The following ARSL variants were observed in gnomAD, a reference collection of about 807,000 sequenced individuals.
ARSL encodes arylsulfatase L, also known as arylsulfatase E (chondrodysplasia punctata 1).
A neutral mutation model predicts 31.1 loss-of-function variants in ARSL; 4 were observed. The observed-to-expected ratio is 0.13, with a 90% CI of 0.06 to 0.29. The LOEUF (loss-of-function observed/expected upper bound fraction) is 0.29. Ranked by LOEUF, ARSL falls within the 10% of genes least tolerant of loss-of-function variation. ARSL has a pLI of 1.00. For missense variants in ARSL, 312 were observed against 497.8 expected, an observed-to-expected ratio of 0.63 and a Z score of 3.55; for synonymous variants, 198 against 209.9, an observed-to-expected ratio of 0.94 and a Z score of 0.49.
chrX:2,944,256 C>T lies in ARSL; in HGVS notation c.992-1057G>A, dbSNP rs191608485. 1.2e-3 allele frequency among the ~76,000 whole-genome samples: 126 copies of T among 109,116 alleles called. 1 individual carries two copies. Among genetic ancestry groups the T allele is most frequent in the South Asian group, 2.0e-3 (5 of 2,484 alleles). The allele number at this position is 109,116 out of a possible 115,157, so 94.8% of individuals were successfully genotyped here. ...GGATCACAAGGTCAGCAGTTCGAGA[C>T]CAGCCTGGCCAACATGGTGAAACCC... On this transcript the variant is annotated intron_variant, in intron 7 of 10. Transcript: ENST00000381134.
chrX:2,960,361 A>G lies in ARSL; in HGVS notation c.23+17T>C, dbSNP rs766124346. On this transcript the variant is annotated intron_variant, in intron 2 of 10. Transcript: ENST00000381134. ...AAGAAAGGAGACTACTAATGAGTGC[A>G]TATAATTGTATCTTACCAAGAATGG... The G allele has an allele frequency of 1.1e-4, 121 of 1,087,302 alleles. 1 individual carries two copies. In the South Asian group the frequency reaches 2.0e-3, roughly 18 times the overall value. The allele number at this position is 1,087,302 out of a possible 1,213,427, so 89.6% of individuals were successfully genotyped here. A position where few individuals can be genotyped will look rare whatever the true frequency, so the allele number is the denominator to read the frequency against.
At chrX:2,936,433 T>C (rs2089202870) in intron 10 of ARSL, among the ~76,000 whole-genome samples, 4 of 111,813 alleles carry the variant, frequency 3.6e-5, no homozygotes, top group African/African-American at 1.3e-4. Flanking sequence ...TGATAAAAGT[T>C]GCACTTCATA....
chrX:2,953,878 CT>C (rs1408865642), intron 4 of ARSL, among the ~76,000 whole-genome samples: 9 of 110,452 alleles, frequency 8.1e-5, no homozygotes, highest in African/African-American at 1.7e-4. Context: ...ATCACCATGC[CT>C]AGCTAATATT....
At position 2,936,946 on chromosome X, in the gene ARSL, C is replaced by T. The variant is rs766480663; in HGVS notation, c.1290-83G>A. The T allele has an allele frequency of 7.9e-6, 9 of 1,140,466 alleles. No individual in the cohort carries two copies. The East Asian group carries it at 2.4e-4, about 31-fold the overall frequency. 94.0% of individuals were successfully genotyped at this position (1,140,466 alleles called of 1,213,427 possible). A position where few individuals can be genotyped will look rare whatever the true frequency, so the allele number is the denominator to read the frequency against. On this transcript the variant is annotated intron_variant, in intron 9 of 10. Coordinates refer to ENST00000381134, the MANE Select transcript of ARSL (RefSeq NM_000047.3). ...CCTCCAGCATCCACCAGTCCCAGCC[C>T]CAGGTGGTGCACTCTCCTTATGTTG...
upstream of ARSL, among the ~76,000 whole-genome samples, chrX:2,967,724 A>G (rs2089709583): frequency 8.9e-6 from 1 of 112,726 alleles, no homozygotes; most frequent in East Asian, 2.8e-4. Context: ...GGGGAGAAGG[A>G]ATCCCAGCCC....
At chrX:2,954,984 G>A (rs1180990498) in intron 4 of ARSL, among the ~76,000 whole-genome samples, 1 of 111,974 alleles carries the variant, frequency 8.9e-6, no homozygotes, top group East Asian at 2.8e-4. Flanking sequence ...CTGATTCTGG[G>A]GGGATTAGGG....
rs151043409 is a variant in ARSL, at chrX:2,944,873, G to A, written c.991+1125C>T. On this transcript the variant is annotated intron_variant, in intron 7 of 10. Coordinates refer to ENST00000381134, the MANE Select transcript of ARSL (RefSeq NM_000047.3). ...ATCAACCTACCTAACACATGGTCAC[G>A]AAGAGAAGCAATGGTGATGCTGTGT... Among the ~76,000 whole-genome samples, 733 of 110,627 alleles carry A rather than the reference G, an allele frequency of 6.6e-3. 6 individuals are homozygous for A. The highest frequency in any genetic ancestry group is 0.022 in the African/African-American group (671 of 30,397).
At chrX:2,958,474 G>T in intron 2 of ARSL, 39 bp from the exon 3 acceptor site, 2 of 1,203,124 alleles carry the variant, frequency 1.7e-6, no homozygotes, top group Non-Finnish European at 2.3e-6. Flanking sequence ...CATCTCATTT[G>T]CAGAACTTGT....
intron 2 of ARSL, 58 bp downstream of exon 2, chrX:2,960,320 G>GAGAAAGAAAGAAAGAA (rs377714899): frequency 1.8e-6 from 1 of 542,081 alleles, no homozygotes; most frequent in African/African-American, 2.7e-5. Flanking sequence ...AAGGAAGGAA[G>GAGAAAGAAAGAAAGAA]AGAAAGAAAG....
chrX:2,941,247 CTT>C (rs200569564), intron 8 of ARSL, among the ~76,000 whole-genome samples: 8 of 80,588 alleles, frequency 9.9e-5, no homozygotes, highest in African/African-American at 3.3e-4. Context: ...TGTCCACAAT[CTT>C]TTTTTTTTTT....
chrX:2,941,478 C>T (rs1432594064), intron 8 of ARSL, among the ~76,000 whole-genome samples: 2 of 111,102 alleles, frequency 1.8e-5, no homozygotes, highest in Non-Finnish European at 3.8e-5. Context: ...TGGTCTCGAA[C>T]TCCTAACCTC....
chrX:2,955,630 T>C (rs767515855), intron 3 of ARSL, 93 bp from the exon 4 acceptor site: 21 of 1,035,487 alleles, frequency 2.0e-5, no homozygotes, highest in Non-Finnish European at 2.7e-5. Flanking sequence ...GGTCTGCTGG[T>C]CATCGCTGAG....
Position 2,934,969 on chromosome X carries a change from C to T in ARSL, c.1633G>A (p.Val545Met), listed in dbSNP as rs752401423. ...YQVMERVQQA[V>M]WEHQRTLSPV... is the part of the protein sequence containing the mutation. ...CTGAGTGTCCGCTGGTGTTCCCACACCGCCTGCTGGACTCGTTCCATCACC... is the reference window on the plus strand; with the variant it reads ...CTGAGTGTCCGCTGGTGTTCCCACATCGCCTGCTGGACTCGTTCCATCACC... The change falls in exon 11 of 11, where the codon GTG (valine) becomes ATG (methionine). Residue 545 changes from valine (V) to methionine (M), a missense_variant. Coordinates refer to ENST00000381134, the MANE Select transcript of ARSL (RefSeq NM_000047.3). The T allele has an allele frequency of 8.3e-5, 100 of 1,211,268 alleles. No homozygotes were observed. The highest frequency in any genetic ancestry group is 1.1e-4 in the Non-Finnish European group (100 of 895,417).
intron 5 of ARSL, 124 bp from the exon 6 acceptor site, chrX:2,949,851 G>C: frequency 1.2e-6 from 1 of 800,679 alleles, no homozygotes. Flanking sequence ...TTGCAAAGAA[G>C]TGTGGGCAGC....
intron 10 of ARSL, among the ~76,000 whole-genome samples, chrX:2,935,693 T>TTTTC (rs200865443): frequency 0.01 from 876 of 86,550 alleles, 19 homozygotes; most frequent in African/African-American, 0.039. Flanking sequence ...TTTTCTTTTC[T>TTTTC]TTTTTTTTTT....
intron 1 of ARSL, among the ~76,000 whole-genome samples, chrX:2,963,691 C>A (rs1603462572): frequency 9.4e-6 from 1 of 106,461 alleles, no homozygotes; most frequent in East Asian, 2.9e-4. Context: ...CAGGCACATG[C>A]CACTATGCCT....
chrX:2,944,174 G>A (rs1018538307), intron 7 of ARSL, among the ~76,000 whole-genome samples: 1 of 108,616 alleles, frequency 9.2e-6, no homozygotes, highest in Admixed American at 9.9e-5. Flanking sequence ...AGACCCTGTC[G>A]GCCAGGCGCA....
intron 3 of ARSL, among the ~76,000 whole-genome samples, chrX:2,957,708 C>CAAAAAAAA (rs761423845): frequency 5.6e-5 from 3 of 54,002 alleles, no homozygotes; most frequent in African/African-American, 1.9e-4. Flanking sequence ...GATTCTGTCT[C>CAAAAAAAA]AAAAAAAAAA....
intron 1 of ARSL, among the ~76,000 whole-genome samples, chrX:2,962,638 C>T (rs1014636349): frequency 2.7e-5 from 3 of 111,539 alleles, no homozygotes; most frequent in Non-Finnish European, 5.7e-5. Context: ...AACGCCTTTT[C>T]GGGGATGCTG....
Sources: gnomAD v4.1 joint callset for allele counts (sites outside exome capture counted in the v4.1 genomes callset) on GRCh38, gnomAD v4.1.1 for gene constraint, MANE v1.5 for transcripts, NCBI Gene and HGNC (gene_info 2026-07-23, HGNC 2026-07-21) for gene names.